The following ABCA13 variants were observed in gnomAD, a reference collection of about 807,000 sequenced individuals.
ABCA13 encodes the protein ATP-binding cassette sub-family A member 13.
A neutral mutation model predicts 478.7 loss-of-function variants in ABCA13; 476 were observed. The observed-to-expected ratio is 0.99, with a 90% CI of 0.92 to 1.07. The LOEUF is 1.07. Ranked by LOEUF, ABCA13 falls within the 50% of genes least tolerant of loss-of-function variation. ABCA13 has a pLI of 0.00. For missense variants in ABCA13, 6,060 were observed against 5,910.6 expected (o/e 1.03, Z -0.83); for synonymous variants, 2,252 against 2,158.9 (o/e 1.04, Z -1.20).
intron 35 of ABCA13, among the ~76,000 whole-genome samples, chr7:48,381,431 C>A (rs1015689600): frequency 1.3e-5 from 2 of 151,898 alleles, no homozygotes; most frequent in Non-Finnish European, 2.9e-5. Context: ...ACTTTTCTCT[C>A]GATTTTCTTT....
At chr7:48,193,361 G>A (rs959787534) in intron 2 of ABCA13, among the ~76,000 whole-genome samples, 2 of 152,160 alleles carry the variant, frequency 1.3e-5, no homozygotes, top group Non-Finnish European at 2.9e-5. Context: ...GTAGAAGTGG[G>A]AGATGCATTT....
At chr7:48,510,609 G>A (rs1016536663) in intron 50 of ABCA13, among the ~76,000 whole-genome samples, 26 of 152,250 alleles carry the variant, frequency 1.7e-4, no homozygotes, top group Admixed American at 3.3e-4. Context: ...GCTTCACCCC[G>A]GAAACTTGAT....
At chr7:48,206,590 T>G (rs1353983677) in intron 3 of ABCA13, among the ~76,000 whole-genome samples, 1 of 148,616 alleles carries the variant, frequency 6.7e-6, no homozygotes, top group African/African-American at 2.5e-5. Context: ...TCTTTTCTGT[T>G]TTTTTGGTTA....
At chr7:48,293,212 A>ACC (rs1798837596) in intron 20 of ABCA13, among the ~76,000 whole-genome samples, 1 of 102,896 alleles carries the variant, frequency 9.7e-6, no homozygotes, top group Non-Finnish European at 2.0e-5. Flanking sequence ...CGCCACACAC[A>ACC]CACTAAATCT....
rs370032108 is a variant in ABCA13 at position 48,455,204 on chromosome 7, A to G, written c.12733A>G (p.Met4245Val). Residue 4245 changes from methionine to valine, a missense_variant, in exon 43 of 62, where the codon ATG (methionine) becomes GTG (valine). By Grantham distance (21) the Met-to-Val change is conservative. Around this residue, in one of 3 missense-constraint regions of ABCA13, gnomAD observed 1,627 missense variants for 1,571.0 expected, o/e 1.04. Coordinates refer to ENST00000435803, the MANE Select transcript of ABCA13 (RefSeq NM_152701.5). ...CGTGGCCTTGGCCATGGGCTTGTTC[A>G]TGGTGAGACCCCTGGCCACCGAGTA... ...LFVALAMGLFMVRPLATEYPP... is the reference protein window; with the variant it reads ...LFVALAMGLFVVRPLATEYPP... 6.9e-6 allele frequency: 11 copies of G among 1,596,294 alleles called. No homozygotes were observed. The African/African-American group carries it at 1.3e-4, about 20-fold the overall frequency.
intron 43 of ABCA13, among the ~76,000 whole-genome samples, chr7:48,464,875 G>A (rs1826690235): frequency 2.0e-5 from 3 of 152,188 alleles, no homozygotes; most frequent in Admixed American, 1.3e-4. Context: ...TGTATACTAA[G>A]GCCACCAGGC....
chr7:48,292,498 G>T (rs929816035), intron 20 of ABCA13, among the ~76,000 whole-genome samples: 1 of 152,074 alleles, frequency 6.6e-6, no homozygotes, highest in East Asian at 1.9e-4. Flanking sequence ...TGCTGAGAGT[G>T]TCCAGCGTCT....
chr7:48,215,975 T>G (rs1315616450), intron 3 of ABCA13, among the ~76,000 whole-genome samples: 2 of 152,226 alleles, frequency 1.3e-5, no homozygotes, highest in Non-Finnish European at 2.9e-5. Context: ...TAATATTCCC[T>G]TGTATAGATA....
intron 15 of ABCA13, among the ~76,000 whole-genome samples, chr7:48,268,288 C>G (rs763342997): frequency 1.3e-5 from 2 of 152,036 alleles, no homozygotes; most frequent in Non-Finnish European, 2.9e-5. Context: ...TCCCAAGTAG[C>G]TAGGATCACA....
intron 42 of ABCA13, among the ~76,000 whole-genome samples, chr7:48,438,681 C>T (rs2129159393): frequency 6.6e-6 from 1 of 151,344 alleles, no homozygotes; most frequent in South Asian, 2.1e-4. Context: ...AGTTTCTTTA[C>T]TGATTTTTTG....
At chr7:48,435,550 T>C (rs1209172861) in intron 42 of ABCA13, among the ~76,000 whole-genome samples, 2 of 151,834 alleles carry the variant, frequency 1.3e-5, no homozygotes, top group Admixed American at 1.3e-4. Context: ...TCCAGTGCTA[T>C]CTTGAATAGA....
intron 29 of ABCA13, among the ~76,000 whole-genome samples, chr7:48,346,923 CCA>C (rs1808204420): frequency 6.6e-6 from 1 of 152,198 alleles, no homozygotes; most frequent in Admixed American, 6.5e-5. Context: ...TGTTCCCAAA[CCA>C]GGTTACCCCA....
chr7:48,576,222 G>A (rs1043342347), intron 55 of ABCA13, among the ~76,000 whole-genome samples: 1 of 152,098 alleles, frequency 6.6e-6, no homozygotes, highest in Non-Finnish European at 1.5e-5. Flanking sequence ...AAAAACGACT[G>A]TACTAGAAGG....
In ABCA13 at chr7:48,499,860, A is replaced by G. The variant is rs185004064; in HGVS notation, c.13292-6476A>G. Reference sequence around the variant, plus strand: ...CATTGTCTCAAGATTCTATCACAATACAATTGTTACCTACCTAGAGTACTG... The same window carrying G: ...CATTGTCTCAAGATTCTATCACAATGCAATTGTTACCTACCTAGAGTACTG... On this transcript the variant is annotated intron_variant, in intron 48 of 61. Coordinates refer to ENST00000435803, the MANE Select transcript of ABCA13 (RefSeq NM_152701.5). Among the ~76,000 whole-genome samples the G allele has an allele frequency of 4.6e-3, 694 of 152,270 alleles. 24 individuals carry two copies. The highest frequency in any genetic ancestry group is 8.5e-4 in the Non-Finnish European group (58 of 68,018).
At chr7:48,557,707 ATTTG>A (rs141115657) in intron 55 of ABCA13, among the ~76,000 whole-genome samples, 5,599 of 152,110 alleles carry the variant, frequency 0.037, 150 homozygotes, top group Middle Eastern at 0.058. Flanking sequence ...TTGGTGTTCT[ATTTG>A]TTTGGTGCAA....
chr7:48,325,502 GTA>G (rs933244844), intron 27 of ABCA13, among the ~76,000 whole-genome samples: 2 of 151,916 alleles, frequency 1.3e-5, no homozygotes, highest in Non-Finnish European at 2.9e-5. Flanking sequence ...GTAGCTTTTG[GTA>G]CTTTCAGTGA....
intron 42 of ABCA13, among the ~76,000 whole-genome samples, chr7:48,430,368 G>GT (rs1247816832): frequency 1.3e-5 from 2 of 152,060 alleles, no homozygotes; most frequent in African/African-American, 4.8e-5. Flanking sequence ...AATTCCTTTT[G>GT]TTTTTTAAAA....
intron 47 of ABCA13, 91 bp from the exon 48 acceptor site, chr7:48,489,145 G>T: frequency 9.5e-7 from 1 of 1,050,762 alleles, no homozygotes; most frequent in South Asian, 1.6e-5. Flanking sequence ...GAAGTTAATT[G>T]ACACATACGT....
chr7:48,255,246 G>A (rs747920042), intron 15 of ABCA13, among the ~76,000 whole-genome samples: 5 of 152,184 alleles, frequency 3.3e-5, no homozygotes, highest in Admixed American at 6.5e-5. Context: ...TTGTGGTAAA[G>A]AGCTTGAATG....
Sources: allele counts gnomAD v4.1 joint callset (sites outside exome capture counted in the v4.1 genomes callset), GRCh38; gene constraint gnomAD v4.1.1; regional missense constraint gnomAD v4.1.1; transcripts MANE v1.5; gene names NCBI Gene and HGNC (gene_info 2026-07-23, HGNC 2026-07-21).